Variants in CFAP44 observed in about 807,000 individuals in gnomAD.
CFAP44 encodes the protein cilia- and flagella-associated protein 44.
A neutral mutation model predicts 216.2 loss-of-function variants in CFAP44; 134 were observed. That is an observed-to-expected ratio of 0.62 (90% CI 0.54 to 0.72). The LOEUF (loss-of-function observed/expected upper bound fraction) is 0.72. Among genes scored for constraint, CFAP44 ranks in the 30% least tolerant of loss-of-function variants. The pLI is 0.00. For missense variants in CFAP44, 2,035 were observed against 2,182.1 expected, an observed-to-expected ratio of 0.93 and a Z score of 1.34; for synonymous variants, 700 against 727.6, an observed-to-expected ratio of 0.96 and a Z score of 0.61.
In CFAP44 at chr3:113,384,895, G is replaced by A. The variant is rs187892823; in HGVS notation, c.1891-3835C>T. Among the ~76,000 whole-genome samples, 36 of 152,280 alleles carry A rather than the reference G, an allele frequency of 2.4e-4. 1 individual carries two copies. Among genetic ancestry groups the A allele is most frequent in the Admixed American group, 8.5e-4 (13 of 15,288 alleles). ...GTTCAGAGTCTGATGCTGTTTGATC[G>A]ATTATCCACATGGTTAATATCTAAT... On this transcript the variant is annotated intron_variant, in intron 15 of 34. Coordinates refer to ENST00000393845, the MANE Select transcript of CFAP44 (RefSeq NM_001164496.2).
At position 113,344,542 on chromosome 3, in the gene CFAP44, C is replaced by T; in HGVS notation, c.3236G>A (p.Gly1079Glu). Residue 1079 changes from glycine (G) to glutamate (E), a missense_variant, in exon 23 of 35, where the codon GGA becomes GAA. By Grantham distance (98) the Gly-to-Glu change is moderately conservative (BLOSUM62 -2). Coordinates refer to ENST00000393845, the MANE Select transcript of CFAP44 (RefSeq NM_001164496.2). ...TGCATCTCTCTGGCTGTCCTTTCTT[C>T]CAGGTCCCTCTTTTTCAAACCTGTC... ...KLDRFEKEGPGRKDSQRDAGG... is the reference protein window; with the variant it reads ...KLDRFEKEGPERKDSQRDAGG... 6.5e-7 allele frequency: 1 copy of T among 1,536,894 alleles called. No individual in the cohort carries two copies. Among genetic ancestry groups the T allele is most frequent in the Non-Finnish European group, 8.7e-7 (1 of 1,146,796 alleles).
chr3:113,333,487 T>C lies in CFAP44; in HGVS notation c.3534A>G (p.Thr1178=). 2 of 1,537,158 alleles carry C rather than the reference T, an allele frequency of 1.3e-6. No individual in the cohort carries two copies. Among genetic ancestry groups the C allele is most frequent in the Non-Finnish European group, 1.7e-6 (2 of 1,146,870 alleles). ...QVYMGDFNLK[T]APDYKIPEHM... Reference sequence around the variant, plus strand: ...GCTCAGGTATCTTGTAGTCTGGGGCTGTCTTCAGATTGAAATCTCCCATAT... The same window carrying C: ...GCTCAGGTATCTTGTAGTCTGGGGCCGTCTTCAGATTGAAATCTCCCATAT... Residue 1178 remains threonine (T), a synonymous_variant, in exon 25 of 35, where the codon ACA becomes ACG. Coordinates refer to ENST00000393845, the MANE Select transcript of CFAP44 (RefSeq NM_001164496.2).
At chr3:113,381,730 T>C (rs1351010534) in intron 15 of CFAP44, among the ~76,000 whole-genome samples, 1 of 152,250 alleles carries the variant, frequency 6.6e-6, no homozygotes, top group Non-Finnish European at 1.5e-5. Context: ...TGTTTATTCA[T>C]TTGGTTATTT....
In CFAP44 at chr3:113,361,202, G is replaced by A. The variant is rs533578644; in HGVS notation, c.2934+1943C>T. On this transcript the variant is annotated intron_variant, in intron 21 of 34. Transcript: ENST00000393845. ...TTGGCTTTCCTAAAGATCACTGGAAGCCTTCACTGGATTGAGAGAGATAAA... is the reference window on the plus strand; with the variant it reads ...TTGGCTTTCCTAAAGATCACTGGAAACCTTCACTGGATTGAGAGAGATAAA... 3.6e-5 allele frequency: 7 copies of A among 196,770 alleles called. No homozygotes were observed. The East Asian group carries it at 7.4e-4, about 21-fold the overall frequency. The allele number at this position is 196,770 out of a possible 1,614,324, so 12.2% of individuals were successfully genotyped here.
At position 113,363,262 on chromosome 3, in the gene CFAP44, TTTCA is replaced by T; in HGVS notation, c.2813_2816del (p.Met938LysfsTer6). ...TCCGTGCCTTTATTTCTCCCACTTC[TTTCA>T]TTAACTTGTCATGTTCTCTTTTTCT... On this transcript the variant is annotated frameshift_variant, in exon 21 of 35. Coordinates refer to ENST00000393845, the MANE Select transcript of CFAP44 (RefSeq NM_001164496.2). LOFTEE classifies it high-confidence loss of function. The T allele has an allele frequency of 6.2e-7, 1 of 1,612,740 alleles. No individual in the cohort carries two copies. Among genetic ancestry groups the T allele is most frequent in the Non-Finnish European group, 8.5e-7 (1 of 1,179,622 alleles).
chr3:113,314,477 T>A (rs910440185), intron 28 of CFAP44, among the ~76,000 whole-genome samples: 6 of 152,182 alleles, frequency 3.9e-5, no homozygotes, highest in East Asian at 1.9e-4. Context: ...TCTGATTTTT[T>A]AAAAAAATAA....
Position 113,426,313 on chromosome 3 carries a change from G to C in CFAP44, c.254-36C>G, listed in dbSNP as rs766985372. ...AAAATAATTTAAGAAGAGTGATATGGTTTGGCTGTGTCCCCACCCAAATCT... is the reference window on the plus strand; with the variant it reads ...AAAATAATTTAAGAAGAGTGATATGCTTTGGCTGTGTCCCCACCCAAATCT... On this transcript the variant is annotated intron_variant, in intron 3 of 34. Coordinates refer to ENST00000393845, the MANE Select transcript of CFAP44 (RefSeq NM_001164496.2). The C allele has an allele frequency of 3.1e-6, 5 of 1,601,574 alleles. 1 individual carries two copies. In the Admixed American group the frequency reaches 8.5e-5, roughly 27 times the overall value.
At chr3:113,440,570 T>C (rs1016240987) in intron 1 of CFAP44, among the ~76,000 whole-genome samples, 1 of 152,178 alleles carries the variant, frequency 6.6e-6, no homozygotes, top group Admixed American at 6.5e-5. Context: ...TGTCCCTCTG[T>C]AGTTCCAGTC....
At chr3:113,345,152 ATAT>A (rs548460984) in intron 22 of CFAP44, among the ~76,000 whole-genome samples, 139 of 148,924 alleles carry the variant, frequency 9.3e-4, no homozygotes, top group African/African-American at 3.2e-3. Flanking sequence ...TGTATAATAG[ATAT>A]TATAATAGAT....
chr3:113,409,257 C>G lies in CFAP44; in HGVS notation c.739G>C (p.Gly247Arg). 6.2e-7 allele frequency: 1 copy of G among 1,614,050 alleles called. No homozygotes were observed. The change falls in exon 7 of 35, where the codon GGT (glycine) becomes CGT (arginine). Residue 247 changes from glycine (G) to arginine (R), a missense_variant. Coordinates refer to ENST00000393845, the MANE Select transcript of CFAP44 (RefSeq NM_001164496.2). Reference sequence around the variant, plus strand: ...GTCAGTGTGTAGTCAGGGTTACTACCAACAGAGGCCAGCAAGTTACCGCTG... The same window carrying G: ...GTCAGTGTGTAGTCAGGGTTACTACGAACAGAGGCCAGCAAGTTACCGCTG... Reference protein sequence around the residue: ...NYSGNLLASVGSNPDYTLTIW... With the variant: ...NYSGNLLASVRSNPDYTLTIW...
chr3:113,439,186 C>T (rs930484190), intron 1 of CFAP44, among the ~76,000 whole-genome samples: 2 of 152,180 alleles, frequency 1.3e-5, no homozygotes, highest in Non-Finnish European at 2.9e-5. Context: ...TTTCAACTAA[C>T]TCATTAGATA....
intron 15 of CFAP44, among the ~76,000 whole-genome samples, chr3:113,390,872 T>C (rs891791148): frequency 3.3e-5 from 5 of 152,176 alleles, no homozygotes; most frequent in African/African-American, 4.8e-5. Context: ...AGATATTCCA[T>C]ATTCATATAT....
Position 113,395,779 on chromosome 3 carries a change from A to C in CFAP44, c.1861T>G (p.Cys621Gly). Residue 621 changes from cysteine (C) to glycine (G), a missense_variant, in exon 15 of 35, where the codon TGT becomes GGT. Coordinates refer to ENST00000393845, the MANE Select transcript of CFAP44 (RefSeq NM_001164496.2). The part of the protein sequence containing the change: ...IGYINTPGPV[C>G]QLMWSPMSHP... ...GACATGGGAGACCACATTAACTGAC[A>C]CACAGGTCCAGGAGTATTAATATAA... is the stretch of plus-strand genomic sequence containing the variant. 1 of 1,613,202 alleles carries C rather than the reference A, an allele frequency of 6.2e-7. No individual in the cohort carries two copies. The highest frequency in any genetic ancestry group is 8.5e-7 in the Non-Finnish European group (1 of 1,179,712).
chr3:113,413,159 G>A (rs1320690667), intron 6 of CFAP44, among the ~76,000 whole-genome samples: 1 of 152,078 alleles, frequency 6.6e-6, no homozygotes, highest in Non-Finnish European at 1.5e-5. Context: ...CTTGTTGGCT[G>A]CATAGATGTA....
intron 28 of CFAP44, among the ~76,000 whole-genome samples, chr3:113,314,217 C>T (rs567682454): frequency 1.3e-5 from 2 of 152,152 alleles, no homozygotes; most frequent in East Asian, 1.9e-4. Context: ...TAAATTTATG[C>T]CAAAACTCAT....
At chr3:113,296,581 A>T (rs550642098) in intron 33 of CFAP44, 144 bp downstream of exon 33, 28 of 843,368 alleles carry the variant, frequency 3.3e-5, no homozygotes, top group Admixed American at 1.2e-4. Context: ...AGCCGAGACA[A>T]GGCCTAAGAT....
At chr3:113,364,480 T>C (rs888889152) in intron 19 of CFAP44, among the ~76,000 whole-genome samples, 1 of 152,180 alleles carries the variant, frequency 6.6e-6, no homozygotes, top group Non-Finnish European at 1.5e-5. Flanking sequence ...GAGACAGTAA[T>C]GGCTAATAAA....
intron 13 of CFAP44, among the ~76,000 whole-genome samples, chr3:113,397,772 G>C (rs1475482540): frequency 6.6e-6 from 1 of 152,138 alleles, no homozygotes; most frequent in African/African-American, 2.4e-5. Flanking sequence ...AACTGTGACA[G>C]AAAACACTGG....
At chr3:113,325,325 A>G (rs1049337937) in intron 28 of CFAP44, among the ~76,000 whole-genome samples, 1 of 152,040 alleles carries the variant, frequency 6.6e-6, no homozygotes, top group Admixed American at 6.5e-5. Context: ...AAATCACTAA[A>G]AAAGGAAATA....
Sources: allele counts gnomAD v4.1 joint callset (sites outside exome capture counted in the v4.1 genomes callset), GRCh38; gene constraint gnomAD v4.1.1; transcripts MANE v1.5; gene names NCBI Gene and HGNC (gene_info 2026-07-23, HGNC 2026-07-21).